The following ADAMTSL3 variants were observed in gnomAD, a reference collection of about 807,000 sequenced individuals.
The protein encoded by ADAMTSL3 is ADAMTS like 3.
ADAMTSL3 carries 128 observed loss-of-function variants against 201.7 expected under a neutral mutation model. That is an observed-to-expected ratio of 0.63 (90% CI 0.55 to 0.73). The LOEUF (loss-of-function observed/expected upper bound fraction) is 0.73. Ranked by LOEUF, ADAMTSL3 falls within the 30% of genes least tolerant of loss-of-function variation. The pLI, the probability that ADAMTSL3 is intolerant of heterozygous loss-of-function variation, is 0.00. For missense variants in ADAMTSL3, 1,990 were observed against 2,119.6 expected (o/e 0.94, Z 1.20); for synonymous variants, 738 against 748.4 (o/e 0.99, Z 0.23).
intron 6 of ADAMTSL3, among the ~76,000 whole-genome samples, chr15:83,831,865 T>C (rs1467086529): frequency 6.6e-6 from 1 of 152,124 alleles, no homozygotes; most frequent in Non-Finnish European, 1.5e-5. Context: ...AACTTAAGCT[T>C]CATTAACTTC....
In ADAMTSL3 at chr15:83,970,619, C is replaced by G; in HGVS notation, c.2626C>G (p.Gln876Glu). ...LPGLPLVRSC[Q>E]MPECSKIKSE... ...AGGGCTCCCTCTTGTAAGATCTTGCCAGATGCCTGAGTGCAGTAGTAAGTA... is the reference window on the plus strand; with the variant it reads ...AGGGCTCCCTCTTGTAAGATCTTGCGAGATGCCTGAGTGCAGTAGTAAGTA... Residue 876 changes from glutamine to glutamate, a missense_variant, in exon 20 of 30, where the codon CAG (glutamine) becomes GAG (glutamate). Physicochemically the swap from Gln to Glu is conservative, Grantham distance 29. Transcript: ENST00000286744. 1.2e-6 allele frequency: 2 copies of G among 1,614,158 alleles called. No homozygotes were observed. The highest frequency in any genetic ancestry group is 1.7e-4 in the Middle Eastern group (1 of 6,060).
At chr15:83,852,361 G>A (rs1228349570) in intron 7 of ADAMTSL3, among the ~76,000 whole-genome samples, 4 of 152,034 alleles carry the variant, frequency 2.6e-5, no homozygotes, top group African/African-American at 7.2e-5. Context: ...TGATCCACCC[G>A]CCTCAGCCTC....
intron 2 of ADAMTSL3, among the ~76,000 whole-genome samples, chr15:83,689,355 C>G (rs777649003): frequency 1.3e-5 from 2 of 152,218 alleles, no homozygotes; most frequent in African/African-American, 4.8e-5. Context: ...CTCCTACTCT[C>G]TGCTCAGATG....
chr15:83,898,589 A>G (rs1447188656), intron 14 of ADAMTSL3, among the ~76,000 whole-genome samples: 1 of 152,172 alleles, frequency 6.6e-6, no homozygotes, highest in Non-Finnish European at 1.5e-5. Flanking sequence ...AGTAGTTCAC[A>G]TTTGTTCCAC....
chr15:83,983,879 A>T (rs2067432188), intron 21 of ADAMTSL3, among the ~76,000 whole-genome samples: 1 of 152,216 alleles, frequency 6.6e-6, no homozygotes. Context: ...TATCTCTTGA[A>T]TACCCACCAG....
intron 19 of ADAMTSL3, among the ~76,000 whole-genome samples, chr15:83,966,714 G>A (rs907552031): frequency 6.6e-6 from 1 of 151,946 alleles, no homozygotes; most frequent in Non-Finnish European, 1.5e-5. Flanking sequence ...AAACCTGGCA[G>A]AAACACAACA....
intron 3 of ADAMTSL3, among the ~76,000 whole-genome samples, chr15:83,721,259 C>T (rs2062096367): frequency 6.6e-6 from 1 of 152,194 alleles, no homozygotes; most frequent in Non-Finnish European, 1.5e-5. Context: ...GTGATTTTGC[C>T]ATGACTTGAT....
intron 15 of ADAMTSL3, among the ~76,000 whole-genome samples, chr15:83,902,780 C>T (rs1197200749): frequency 6.6e-6 from 1 of 152,138 alleles, no homozygotes; most frequent in Non-Finnish European, 1.5e-5. Context: ...CAGCAAGCTG[C>T]CTCTTGCCTC....
chr15:83,957,456 A>G (rs1176372203), intron 19 of ADAMTSL3, among the ~76,000 whole-genome samples: 3 of 152,202 alleles, frequency 2.0e-5, no homozygotes, highest in Admixed American at 6.5e-5. Context: ...TTGAAGCTTG[A>G]AAAACCTTGT....
chr15:83,836,942 T>G (rs922909650), intron 6 of ADAMTSL3, among the ~76,000 whole-genome samples: 4 of 152,168 alleles, frequency 2.6e-5, no homozygotes, highest in African/African-American at 9.7e-5. Context: ...AAGGAAGAGA[T>G]AAACCATCAG....
chr15:83,728,025 G>A (rs766531149), intron 3 of ADAMTSL3, among the ~76,000 whole-genome samples: 23 of 151,728 alleles, frequency 1.5e-4, no homozygotes, highest in South Asian at 4.1e-4. Flanking sequence ...AATACTATTT[G>A]TTTTATTTAT....
chr15:83,768,301 T>G (rs1240073602), intron 3 of ADAMTSL3, among the ~76,000 whole-genome samples: 1 of 152,226 alleles, frequency 6.6e-6, no homozygotes, highest in African/African-American at 2.4e-5. Context: ...TTAGAAAGTT[T>G]AAGAAACTCA....
chr15:83,949,766 GT>G (rs1416185062), intron 19 of ADAMTSL3, among the ~76,000 whole-genome samples: 2 of 152,112 alleles, frequency 1.3e-5, no homozygotes, highest in African/African-American at 4.8e-5. Context: ...GATCATTGAT[GT>G]TGATCACCTT....
chr15:83,805,305 C>G (rs192772511), intron 5 of ADAMTSL3, among the ~76,000 whole-genome samples: 1 of 152,134 alleles, frequency 6.6e-6, no homozygotes, highest in South Asian at 2.1e-4. Flanking sequence ...TGCCTGTAAT[C>G]CTAGCACTTT....
intron 16 of ADAMTSL3, among the ~76,000 whole-genome samples, chr15:83,919,203 G>C (rs932543805): frequency 1.3e-5 from 2 of 152,154 alleles, no homozygotes; most frequent in Non-Finnish European, 2.9e-5. Context: ...TGCATCATCT[G>C]TGCATCCAAG....
At chr15:83,818,183 T>A (rs746939948) in intron 5 of ADAMTSL3, among the ~76,000 whole-genome samples, 6 of 152,198 alleles carry the variant, frequency 3.9e-5, no homozygotes, top group Non-Finnish European at 7.3e-5. Flanking sequence ...TGGTAAATAA[T>A]CAAGATTTGT....
intron 13 of ADAMTSL3, among the ~76,000 whole-genome samples, chr15:83,894,487 T>A (rs560583155): frequency 9.2e-5 from 14 of 152,316 alleles, no homozygotes; most frequent in Admixed American, 2.6e-4. Flanking sequence ...AAAAAATCTG[T>A]CTAGTGGAAT....
intron 4 of ADAMTSL3, among the ~76,000 whole-genome samples, chr15:83,800,234 G>A (rs1311057649): frequency 6.6e-6 from 1 of 152,190 alleles, no homozygotes; most frequent in Non-Finnish European, 1.5e-5. Context: ...GTTGAAGGAA[G>A]AATGAGTCCA....
At chr15:83,874,719 C>T (rs1431255688) in intron 9 of ADAMTSL3, among the ~76,000 whole-genome samples, 1 of 143,598 alleles carries the variant, frequency 7.0e-6, no homozygotes, top group Non-Finnish European at 1.5e-5. Flanking sequence ...CGAGAACGTG[C>T]AGCAAGACAA....
Sources: allele counts gnomAD v4.1 joint callset (sites outside exome capture counted in the v4.1 genomes callset), GRCh38; gene constraint gnomAD v4.1.1; transcripts MANE v1.5; gene names NCBI Gene and HGNC (gene_info 2026-07-23, HGNC 2026-07-21).